Variants in SDK1 observed in about 807,000 individuals in gnomAD.
SDK1 encodes protein sidekick-1.
SDK1 carries 157 observed loss-of-function variants against 245.5 expected under a neutral mutation model. That is an observed-to-expected ratio of 0.64 (90% CI 0.56 to 0.73). The LOEUF is 0.73. SDK1 is among the 30% of genes least tolerant of loss of function. The pLI, the probability that SDK1 is intolerant of heterozygous loss-of-function variation, is 0.00. For missense variants in SDK1, 3,583 were observed against 3,002.3 expected, an observed-to-expected ratio of 1.19 and a Z score of -4.52; for synonymous variants, 1,647 against 1,278.5, an observed-to-expected ratio of 1.29 and a Z score of -6.15.
chr7:3,341,486 G>C (rs1178105395), intron 1 of SDK1, among the ~76,000 whole-genome samples: 1 of 152,094 alleles, frequency 6.6e-6, no homozygotes, highest in Non-Finnish European at 1.5e-5. Flanking sequence ...CAAAACAGTA[G>C]TACTAAAAGA....
intron 11 of SDK1, among the ~76,000 whole-genome samples, chr7:3,970,720 T>C (rs530221236): frequency 1.3e-5 from 2 of 152,364 alleles, no homozygotes; most frequent in South Asian, 2.1e-4. Flanking sequence ...CTCTGCCCAC[T>C]TTAACCTGTA....
intron 1 of SDK1, among the ~76,000 whole-genome samples, chr7:3,561,091 C>T (rs1267322624): frequency 6.6e-6 from 1 of 152,092 alleles, no homozygotes; most frequent in Non-Finnish European, 1.5e-5. Context: ...CTTCCCCACC[C>T]CTAGTGCAAT....
chr7:3,596,315 CAA>C (rs1781061022), intron 1 of SDK1, among the ~76,000 whole-genome samples: 2 of 152,192 alleles, frequency 1.3e-5, no homozygotes, highest in African/African-American at 4.8e-5. Context: ...ATAATTGGTA[CAA>C]GAGAGTAAGT....
intron 1 of SDK1, among the ~76,000 whole-genome samples, chr7:3,577,299 G>C (rs1483093756): frequency 1.3e-5 from 2 of 152,076 alleles, no homozygotes; most frequent in Admixed American, 6.5e-5. Context: ...GATTGGTTCT[G>C]TTATTTACAC....
Position 3,480,996 on chromosome 7 carries a change from A to G in SDK1, c.299-138084A>G, listed in dbSNP as rs551155337. On this transcript the variant is annotated intron_variant, in intron 1 of 44. Transcript: ENST00000404826. ...TAAGCATTATGTATGTGCATTATGT[A>G]TATAGATTTTGAATTTTTTACCTAT... Among the ~76,000 whole-genome samples the G allele has an allele frequency of 9.2e-5, 14 of 152,294 alleles. 1 individual carries two copies. The East Asian group carries it at 2.5e-3, about 27-fold the overall frequency.
At chr7:3,617,348 A>C (rs1781802725) in intron 1 of SDK1, among the ~76,000 whole-genome samples, 1 of 152,234 alleles carries the variant, frequency 6.6e-6, no homozygotes, top group South Asian at 2.1e-4. Context: ...CTTTAATTTC[A>C]GTATCTGATA....
Position 3,687,196 on chromosome 7 carries a change from A to T in SDK1, c.713+45091A>T, listed in dbSNP as rs975682391. Among the ~76,000 whole-genome samples the T allele has an allele frequency of 6.2e-5, 9 of 145,468 alleles. No homozygotes were observed. In the East Asian group the frequency reaches 1.0e-3, roughly 16 times the overall value. Reference sequence around the variant, plus strand: ...AATGTTCTTTTTTTTTTTTTGAGATAGAGTCTCTCTCTGTCGCCAGGCTGG... The same window carrying T: ...AATGTTCTTTTTTTTTTTTTGAGATTGAGTCTCTCTCTGTCGCCAGGCTGG... On this transcript the variant is annotated intron_variant, in intron 4 of 44. Coordinates refer to ENST00000404826, the MANE Select transcript of SDK1 (RefSeq NM_152744.4).
intron 17 of SDK1, among the ~76,000 whole-genome samples, chr7:4,047,594 C>T (rs939051765): frequency 1.6e-4 from 25 of 152,178 alleles, no homozygotes; most frequent in African/African-American, 5.5e-4. Context: ...TGTGTGTCTG[C>T]GCTCCCAAAG....
At chr7:3,582,847 T>C (rs1780552078) in intron 1 of SDK1, among the ~76,000 whole-genome samples, 1 of 152,130 alleles carries the variant, frequency 6.6e-6, no homozygotes, top group Non-Finnish European at 1.5e-5. Context: ...TACCTGCTGT[T>C]TTCCAACTCA....
intron 4 of SDK1, among the ~76,000 whole-genome samples, chr7:3,657,887 C>T (rs1783238581): frequency 6.6e-6 from 1 of 152,214 alleles, no homozygotes; most frequent in Non-Finnish European, 1.5e-5. Context: ...GTCAAGTCAT[C>T]TGTCAGACAT....
intron 37 of SDK1, among the ~76,000 whole-genome samples, chr7:4,208,791 G>A (rs749600861): frequency 3.9e-5 from 6 of 152,234 alleles, no homozygotes; most frequent in Non-Finnish European, 7.3e-5. Flanking sequence ...GGCCAGTCCC[G>A]AGGGCTCAGA....
At chr7:3,681,409 G>T (rs890039248) in intron 4 of SDK1, among the ~76,000 whole-genome samples, 1 of 152,078 alleles carries the variant, frequency 6.6e-6, no homozygotes, top group African/African-American at 2.4e-5. Flanking sequence ...CTGCTGCTCT[G>T]ACCTTTCCTG....
chr7:4,145,695 G>C (rs756853238), intron 28 of SDK1, 27 bp from the exon 29 acceptor site: 11 of 1,576,948 alleles, frequency 7.0e-6, no homozygotes, highest in Non-Finnish European at 9.5e-6. Context: ...TGGCTCAGCA[G>C]CTGTCTCCCA....
chr7:3,722,801 G>C (rs1778858927), intron 4 of SDK1, among the ~76,000 whole-genome samples: 1 of 152,178 alleles, frequency 6.6e-6, no homozygotes, highest in Admixed American at 6.5e-5. Flanking sequence ...CTTGCTCAGA[G>C]GCTGAAGCAG....
intron 44 of SDK1, among the ~76,000 whole-genome samples, chr7:4,256,670 G>A (rs1266947921): frequency 2.0e-5 from 3 of 152,192 alleles, no homozygotes; most frequent in Non-Finnish European, 2.9e-5. Context: ...GTACGTCCTC[G>A]GCCCTGGCTT....
chr7:3,788,102 G>A (rs1005209135), intron 4 of SDK1, among the ~76,000 whole-genome samples: 15 of 152,264 alleles, frequency 9.9e-5, no homozygotes, highest in Admixed American at 7.8e-4. Context: ...CCCGGCCCGG[G>A]ACCTCACTCC....
intron 1 of SDK1, among the ~76,000 whole-genome samples, chr7:3,531,734 T>C (rs1053126462): frequency 1.9e-4 from 29 of 152,238 alleles, no homozygotes; most frequent in African/African-American, 6.8e-4. Context: ...TGGGAGAGTT[T>C]ATTCTTAGAA....
At chr7:4,180,639 C>T (rs1018817825) in intron 35 of SDK1, among the ~76,000 whole-genome samples, 8 of 152,210 alleles carry the variant, frequency 5.3e-5, no homozygotes, top group African/African-American at 1.7e-4. Flanking sequence ...TAAGAAAAGA[C>T]GTTTACTTGG....
At chr7:4,021,530 C>T (rs80191416) in intron 17 of SDK1, among the ~76,000 whole-genome samples, 10,863 of 152,206 alleles carry the variant, frequency 0.071, 502 homozygotes, top group South Asian at 0.14. Flanking sequence ...GCAGCAGCTC[C>T]GAGGTCATCA....
Sources: allele counts gnomAD v4.1 joint callset (sites outside exome capture counted in the v4.1 genomes callset), GRCh38; gene constraint gnomAD v4.1.1; transcripts MANE v1.5; gene names NCBI Gene and HGNC (gene_info 2026-07-23, HGNC 2026-07-21).